LMAN1: variants seen among roughly 807,000 people sequenced by gnomAD.
LMAN1 encodes the protein lectin, mannose binding 1.
LMAN1 carries 32 observed loss-of-function variants against 67.8 expected under a neutral mutation model. The observed-to-expected ratio is 0.47, with a 90% CI of 0.36 to 0.63. LMAN1 has a LOEUF of 0.63. Ranked by LOEUF, LMAN1 falls within the 30% of genes least tolerant of loss-of-function variation. LMAN1 has a pLI of 0.00. For synonymous variants in LMAN1, 235 were observed against 219.3 expected, an observed-to-expected ratio of 1.07 and a Z score of -0.63; for missense variants, 632 against 628.2, an observed-to-expected ratio of 1.01 and a Z score of -0.06.
intron 7 of LMAN1, 64 bp from the exon 8 acceptor site, chr18:59,346,115 A>G: frequency 2.2e-6 from 3 of 1,365,800 alleles, no homozygotes; most frequent in Non-Finnish European, 3.0e-6. Context: ...ATATCTCTAT[A>G]CATGTTATTT....
intron 8 of LMAN1, among the ~76,000 whole-genome samples, chr18:59,341,988 G>A (rs1908299220): frequency 6.6e-6 from 1 of 151,878 alleles, no homozygotes; most frequent in African/African-American, 2.4e-5. Flanking sequence ...AATCAGAAAA[G>A]AAGGAGACAT....
chr18:59,343,985 T>C (rs1382292939), intron 8 of LMAN1, among the ~76,000 whole-genome samples: 1 of 152,042 alleles, frequency 6.6e-6, no homozygotes, highest in African/African-American at 2.4e-5. Context: ...GCAAAGAGCA[T>C]GAACAGACAT....
chr18:59,344,318 A>AT (rs1908352048), intron 8 of LMAN1, among the ~76,000 whole-genome samples: 1 of 152,216 alleles, frequency 6.6e-6, no homozygotes, highest in Non-Finnish European at 1.5e-5. Context: ...AGAAATCATT[A>AT]TATCAAAAAG....
At chr18:59,348,040 C>T (rs111878263) in intron 6 of LMAN1, among the ~76,000 whole-genome samples, 9 of 152,326 alleles carry the variant, frequency 5.9e-5, no homozygotes, top group African/African-American at 2.2e-4. Context: ...AGAGTGCATA[C>T]CACCTTTTGT....
Position 59,347,557 on chromosome 18 carries a change from G to T in LMAN1, c.778C>A (p.Leu260Ile). The T allele has an allele frequency of 6.2e-7, 1 of 1,605,924 alleles. No homozygotes were observed. The highest frequency in any genetic ancestry group is 8.5e-7 in the Non-Finnish European group (1 of 1,175,566). Residue 260 changes from leucine (L) to isoleucine (I), a missense_variant, in exon 7 of 13, where the codon CTT becomes ATT. By Grantham distance (5) the Leu-to-Ile change is conservative. Transcript: ENST00000251047. ...GTCAACTGGAAAGTCAGAAAAGAAAGGACATCATGGTCATCTACAAATTAA... is the reference window on the plus strand; with the variant it reads ...GTCAACTGGAAAGTCAGAAAAGAAATGACATCATGGTCATCTACAAATTAA... ...TGGLADDHDV[L>I]SFLTFQLTEP...
At chr18:59,343,413 A>C (rs956335873) in intron 8 of LMAN1, among the ~76,000 whole-genome samples, 1 of 152,166 alleles carries the variant, frequency 6.6e-6, no homozygotes, top group Non-Finnish European at 1.5e-5. Flanking sequence ...CTACAAGGCT[A>C]AAGTAACCAA....
Position 59,338,548 on chromosome 18 carries a change from C to T in LMAN1, c.1220+9G>A. ...ACATAACACACAAACGCTACTTTTC[C>T]ATACTTACTTCATTTCATTTACTTG... On this transcript the variant is annotated intron_variant, in intron 10 of 12. Transcript: ENST00000251047. 19 of 1,610,084 alleles carry T rather than the reference C, an allele frequency of 1.2e-5. No homozygotes were observed. Among genetic ancestry groups the T allele is most frequent in the Non-Finnish European group, 1.6e-5 (19 of 1,176,812 alleles).
In LMAN1 at chr18:59,333,155, A is replaced by G. The variant is rs199557121; in HGVS notation, c.1310T>C (p.Ile437Thr). ...TATGTGCAGGTGCTCTTTGATGTCA[A>G]TGAAGTGCTGTGTTGTCTCATAGAC... ...GGVYETTQHF[I>T]DIKEHLHIVK... The change falls in exon 11 of 13, where the codon ATT becomes ACT. Residue 437 changes from isoleucine (I) to threonine (T), a missense_variant. Ile to Thr is a moderately conservative substitution (Grantham distance 89). Transcript: ENST00000251047. The G allele has an allele frequency of 2.1e-5, 34 of 1,613,680 alleles. No homozygotes were observed. In the East Asian group the frequency reaches 4.2e-4, roughly 20 times the overall value.
chr18:59,348,981 C>A, intron 6 of LMAN1, 132 bp downstream of exon 6: 1 of 1,055,074 alleles, frequency 9.5e-7, no homozygotes, highest in Non-Finnish European at 1.5e-6. Context: ...AAGACTGGCA[C>A]AAGAGGTGAT....
Position 59,337,041 on chromosome 18 carries a change from T to C in LMAN1, c.1220+1516A>G, listed in dbSNP as rs533202561. On this transcript the variant is annotated intron_variant, in intron 10 of 12. Transcript: ENST00000251047. ...ACTTACATAGTCTCAAAGTACCTTC[T>C]CCAAAATACTAACCACAAAGGGAAA... 2.0e-5 allele frequency among the ~76,000 whole-genome samples: 3 copies of C among 151,604 alleles called. No individual in the cohort carries two copies. The East Asian group carries it at 5.8e-4, about 29-fold the overall frequency.
Position 59,328,758 on chromosome 18 carries a change from TACATAACAAAAC to T in LMAN1, c.*2323_*2334del, listed in dbSNP as rs1369670725. On this transcript the variant is annotated 3_prime_UTR_variant, in exon 13 of 13. Transcript: ENST00000251047. The stretch of plus-strand genomic sequence containing the variant: ...TTGAGAAACACTGATATCCCCTTAA[TACATAACAAAAC>T]ATTGTTTACTGTTTATGACTTCATG... The T allele has an allele frequency of 2.6e-5, 4 of 152,162 alleles. No individual in the cohort carries two copies. Among genetic ancestry groups the T allele is most frequent in the African/African-American group, 9.7e-5 (4 of 41,438 alleles). 9.4% of individuals were successfully genotyped at this position (152,162 alleles called of 1,614,324 possible). A position where few individuals can be genotyped will look rare whatever the true frequency, so the allele number is the denominator to read the frequency against.
intron 8 of LMAN1, among the ~76,000 whole-genome samples, chr18:59,339,260 C>T (rs1340676967): frequency 1.3e-5 from 2 of 152,134 alleles, no homozygotes; most frequent in Admixed American, 6.5e-5. Context: ...GTATGTACCT[C>T]CTCCACGGAG....
At chr18:59,341,001 T>A (rs1205014126) in intron 8 of LMAN1, among the ~76,000 whole-genome samples, 1 of 151,896 alleles carries the variant, frequency 6.6e-6, no homozygotes, top group Non-Finnish European at 1.5e-5. Flanking sequence ...AAGACACACA[T>A]AGACTGAAAG....
chr18:59,334,116 T>A (rs1364760521), intron 10 of LMAN1, among the ~76,000 whole-genome samples: 1 of 152,208 alleles, frequency 6.6e-6, no homozygotes, highest in African/African-American at 2.4e-5. Context: ...ATAACTAAAA[T>A]AATACCAAGA....
rs547465903 is a variant in LMAN1 at position 59,329,631 on chromosome 18, G to C, written c.*1462C>G. On this transcript the variant is annotated 3_prime_UTR_variant, in exon 13 of 13. Coordinates refer to ENST00000251047, the MANE Select transcript of LMAN1 (RefSeq NM_005570.4). ...GATAAATATCAACATAAAAAGCAAC[G>C]CCAGACTGTTTGCACACACAGCACT... 1.2e-4 allele frequency: 18 copies of C among 152,154 alleles called. No homozygotes were observed. The highest frequency in any genetic ancestry group is 4.3e-4 in the African/African-American group (18 of 41,552). 9.4% of individuals were successfully genotyped at this position (152,154 alleles called of 1,614,324 possible). A position where few individuals can be genotyped will look rare whatever the true frequency, so the allele number is the denominator to read the frequency against.
chr18:59,348,980 A>G, intron 6 of LMAN1, 133 bp downstream of exon 6: 1 of 1,046,658 alleles, frequency 9.6e-7, no homozygotes, highest in Non-Finnish European at 1.5e-6. Context: ...AAAGACTGGC[A>G]CAAGAGGTGA....
At position 59,332,174 on chromosome 18, in the gene LMAN1, A is replaced by G. The variant is rs763594157; in HGVS notation, c.1375-635T>C. Among the ~76,000 whole-genome samples, 17 of 152,160 alleles carry G rather than the reference A, an allele frequency of 1.1e-4. 1 individual carries two copies. Among genetic ancestry groups the G allele is most frequent in the Admixed American group, 2.6e-4 (4 of 15,262 alleles). ...AAGATTAGTTGTTCCCAATATAGTT[A>G]TATTTGTGGGACAAAGTTCTTCAGT... On this transcript the variant is annotated intron_variant, in intron 11 of 12. Transcript: ENST00000251047.
chr18:59,352,043 TTTTTAC>T (rs1349507270), intron 5 of LMAN1, among the ~76,000 whole-genome samples: 10 of 152,222 alleles, frequency 6.6e-5, no homozygotes, highest in Non-Finnish European at 1.3e-4. Context: ...TACACTATTT[TTTTTAC>T]TTTTAAGTAT....
At chr18:59,332,356 T>C (rs1347988850) in intron 11 of LMAN1, among the ~76,000 whole-genome samples, 3 of 152,028 alleles carry the variant, frequency 2.0e-5, no homozygotes. Context: ...AAAATGTATA[T>C]TCAAGGCATA....
Sources: allele counts gnomAD v4.1 joint callset (sites outside exome capture counted in the v4.1 genomes callset), GRCh38; gene constraint gnomAD v4.1.1; transcripts MANE v1.5; gene names NCBI Gene and HGNC (gene_info 2026-07-23, HGNC 2026-07-21).